The following ADK variants were observed in gnomAD, a reference collection of about 807,000 sequenced individuals.
ADK encodes N6,N6-dimethyladenosine kinase.
ADK carries 24 observed loss-of-function variants against 44.7 expected under a neutral mutation model. The observed-to-expected ratio is 0.54, with a 90% CI of 0.39 to 0.76. ADK has a LOEUF of 0.76. Among genes scored for constraint, ADK ranks in the 30% least tolerant of loss-of-function variants. The pLI, the probability that ADK is intolerant of heterozygous loss-of-function variation, is 0.00. For missense variants in ADK, 321 were observed against 425.1 expected (o/e 0.76, Z 2.15); for synonymous variants, 128 against 142.6 (o/e 0.90, Z 0.73).
chr10:74,328,471 A>T (rs75390641), intron 4 of ADK, among the ~76,000 whole-genome samples: 1 of 151,984 alleles, frequency 6.6e-6, no homozygotes, highest in African/African-American at 2.4e-5. Flanking sequence ...CATTTCCCTT[A>T]CTGTCTGATA....
chr10:74,652,658 G>C (rs1854315507), intron 9 of ADK, among the ~76,000 whole-genome samples: 2 of 151,942 alleles, frequency 1.3e-5, no homozygotes, highest in African/African-American at 4.8e-5. Flanking sequence ...TACTTGGGAG[G>C]CTGAGGCAGG....
At chr10:74,700,632 AAG>A (rs1856388645) in intron 10 of ADK, among the ~76,000 whole-genome samples, 1 of 152,002 alleles carries the variant, frequency 6.6e-6, no homozygotes, top group Non-Finnish European at 1.5e-5. Context: ...CAAAAAAAAA[AAG>A]AAAAGAAAAA....
intron 6 of ADK, among the ~76,000 whole-genome samples, chr10:74,523,194 A>G (rs1016604571): frequency 6.6e-6 from 1 of 152,224 alleles, no homozygotes; most frequent in Non-Finnish European, 1.5e-5. Flanking sequence ...GCTGTATAGT[A>G]TAGTGCCTGG....
At chr10:74,401,074 C>T (rs1033286565) in intron 6 of ADK, among the ~76,000 whole-genome samples, 2 of 152,158 alleles carry the variant, frequency 1.3e-5, no homozygotes, top group African/African-American at 4.8e-5. Context: ...TTTTATGCCA[C>T]GTAAACTCAG....
intron 10 of ADK, among the ~76,000 whole-genome samples, chr10:74,708,024 GC>G (rs1334074383): frequency 6.6e-6 from 1 of 151,488 alleles, no homozygotes; most frequent in East Asian, 2.0e-4. Context: ...GGTGGTGCAT[GC>G]CTGTAGTCCC....
At chr10:74,154,967 G>A (rs941048814) in intron 1 of ADK, among the ~76,000 whole-genome samples, 6 of 152,118 alleles carry the variant, frequency 3.9e-5, no homozygotes, top group African/African-American at 1.4e-4. Context: ...GTTAGGAAAC[G>A]TTGAATCCTG....
chr10:74,586,755 G>A, intron 7 of ADK, among the ~76,000 whole-genome samples: 1 of 151,900 alleles, frequency 6.6e-6, no homozygotes, highest in Middle Eastern at 3.4e-3. Flanking sequence ...TCGGGAGGCT[G>A]AGGCAGGAGA....
At chr10:74,489,201 T>C (rs1847380289) in intron 6 of ADK, among the ~76,000 whole-genome samples, 1 of 151,992 alleles carries the variant, frequency 6.6e-6, no homozygotes. Flanking sequence ...TGGAACACTC[T>C]GCTTATATGC....
At chr10:74,233,180 T>G (rs1844842168) in intron 3 of ADK, among the ~76,000 whole-genome samples, 1 of 152,170 alleles carries the variant, frequency 6.6e-6, no homozygotes, top group Non-Finnish European at 1.5e-5. Context: ...AAGAAATTTA[T>G]TACAGGAATT....
chr10:74,617,829 C>G (rs12358427), intron 9 of ADK, among the ~76,000 whole-genome samples: 11,039 of 152,222 alleles, frequency 0.073, 515 homozygotes, highest in Middle Eastern at 0.15. Flanking sequence ...TGGGCTCAAG[C>G]AATTCACCCA....
intron 6 of ADK, chr10:74,423,743 G>C (rs150489916): frequency 2.3e-6 from 1 of 429,612 alleles, no homozygotes; most frequent in African/African-American, 2.1e-5. Flanking sequence ...TTCTTGGCTG[G>C]TGCAAATGTA....
chr10:74,650,787 A>G (rs1223496673), intron 9 of ADK, among the ~76,000 whole-genome samples: 1 of 152,222 alleles, frequency 6.6e-6, no homozygotes, highest in Non-Finnish European at 1.5e-5. Flanking sequence ...TGAGGAAGTT[A>G]AAATAGTATT....
intron 6 of ADK, among the ~76,000 whole-genome samples, chr10:74,498,592 T>C (rs1035577297): frequency 1.3e-5 from 2 of 152,226 alleles, no homozygotes; most frequent in African/African-American, 4.8e-5. Flanking sequence ...TAGTTACATA[T>C]GTATACATGT....
intron 6 of ADK, among the ~76,000 whole-genome samples, chr10:74,472,108 G>A (rs1315731507): frequency 6.6e-6 from 1 of 152,104 alleles, no homozygotes; most frequent in Non-Finnish European, 1.5e-5. Context: ...GGAAGGCTAA[G>A]GCAGGAGAAT....
chr10:74,176,937 C>G, intron 1 of ADK: 1 of 1,604,798 alleles, frequency 6.2e-7, no homozygotes, highest in African/African-American at 1.3e-5. Flanking sequence ...GTTAGCCTCC[C>G]GAGCGCGTGA....
intron 9 of ADK, among the ~76,000 whole-genome samples, chr10:74,663,885 C>T (rs941640217): frequency 1.3e-5 from 2 of 152,140 alleles, no homozygotes; most frequent in African/African-American, 4.8e-5. Flanking sequence ...TGTCTTTGCT[C>T]ATATCCTGAT....
intron 10 of ADK, among the ~76,000 whole-genome samples, chr10:74,689,142 G>A (rs946878830): frequency 2.0e-5 from 3 of 150,274 alleles, no homozygotes; most frequent in Non-Finnish European, 3.0e-5. Context: ...CCAGCTACTC[G>A]GGAGGCTGAG....
intron 6 of ADK, among the ~76,000 whole-genome samples, chr10:74,402,457 T>G (rs558643627): frequency 1.3e-5 from 2 of 152,296 alleles, no homozygotes; most frequent in Admixed American, 1.3e-4. Context: ...TCTTTTTTTT[T>G]CTCTAAACTA....
intron 4 of ADK, among the ~76,000 whole-genome samples, chr10:74,338,570 G>T (rs1464544830): frequency 6.6e-6 from 1 of 152,000 alleles, no homozygotes; most frequent in South Asian, 2.1e-4. Flanking sequence ...CTATCGAATG[G>T]AATACCAAGC....
Sources: gnomAD v4.1 joint callset for allele counts (sites outside exome capture counted in the v4.1 genomes callset) on GRCh38, gnomAD v4.1.1 for gene constraint, MANE v1.5 for transcripts, NCBI Gene and HGNC (gene_info 2026-07-23, HGNC 2026-07-21) for gene names.